PGGT1B: variants seen among roughly 807,000 people sequenced by gnomAD.
PGGT1B encodes the protein protein geranylgeranyltransferase type I subunit beta.
Under a neutral mutation model 46.1 loss-of-function variants are expected in PGGT1B, and 30 were observed. That is an observed-to-expected ratio of 0.65 (90% CI 0.49 to 0.88). The LOEUF is 0.88. Among genes scored for constraint, PGGT1B ranks in the 40% least tolerant of loss-of-function variants. The probability of loss-of-function intolerance (pLI) is 0.00; values close to 1 mark genes in which losing one functional copy is unlikely to be tolerated. For missense variants in PGGT1B, 376 were observed against 455.9 expected (o/e 0.82, Z 1.60); for synonymous variants, 170 against 160.0 (o/e 1.06, Z -0.47).
chr5:115,209,785 C>T lies in PGGT1B; in HGVS notation c.*2617G>A, dbSNP rs1037168191. ...CCTATAATTTGAAATTTGCTGTATT[C>T]CAGGTACTATCCTAAGTGCTTTATC... is the stretch of plus-strand genomic sequence containing the variant. On this transcript the variant is annotated 3_prime_UTR_variant, in exon 9 of 9. Transcript: ENST00000419445. The T allele has an allele frequency of 6.6e-6, 1 of 152,068 alleles. No individual in the cohort carries two copies. The highest frequency in any genetic ancestry group is 1.5e-5 in the Non-Finnish European group (1 of 67,994). 9.4% of individuals were successfully genotyped at this position (152,068 alleles called of 1,614,324 possible). A position where few individuals can be genotyped will look rare whatever the true frequency, so the allele number is the denominator to read the frequency against.
chr5:115,206,071 A>G lies in PGGT1B; in HGVS notation c.*6331T>C, dbSNP rs1756053232. ...GAAAGGCATTCATAATACATTGTTG[A>G]ATGAAAAAAAACCATGGAATATTTA... is the stretch of plus-strand genomic sequence containing the variant. On this transcript the variant is annotated 3_prime_UTR_variant, in exon 9 of 9. Transcript: ENST00000419445. 2 of 152,008 alleles carry G rather than the reference A, an allele frequency of 1.3e-5. No homozygotes were observed. The highest frequency in any genetic ancestry group is 4.8e-5 in the African/African-American group (2 of 41,436). The allele number at this position is 152,008 out of a possible 1,614,324, so 9.4% of individuals were successfully genotyped here. A position where few individuals can be genotyped will look rare whatever the true frequency, so the allele number is the denominator to read the frequency against.
intron 2 of PGGT1B, among the ~76,000 whole-genome samples, chr5:115,246,866 T>C (rs528228853): frequency 2.0e-5 from 3 of 152,330 alleles, no homozygotes; most frequent in African/African-American, 4.8e-5. Context: ...GTACTTTAGA[T>C]AGCACTATAT....
At position 115,215,276 on chromosome 5, in the gene PGGT1B, G is replaced by A. The variant is rs974767643; in HGVS notation, c.952+1589C>T. On this transcript the variant is annotated intron_variant, in intron 8 of 8. Transcript: ENST00000419445. ...GCCTCCCAAAGCTGGGATTACAGGC[G>A]TGAGCCACTGCACCCGGCCATTTAT... Among the ~76,000 whole-genome samples the A allele has an allele frequency of 1.4e-4, 22 of 151,984 alleles. No individual in the cohort carries two copies. In the South Asian group the frequency reaches 1.9e-3, roughly 13 times the overall value.
chr5:115,233,638 T>C (rs892833632), intron 5 of PGGT1B, among the ~76,000 whole-genome samples: 1 of 150,582 alleles, frequency 6.6e-6, no homozygotes. Context: ...TGGATTTGTA[T>C]GGCCCTCGAG....
At chr5:115,239,061 A>C (rs1177024731) in intron 3 of PGGT1B, among the ~76,000 whole-genome samples, 1 of 151,212 alleles carries the variant, frequency 6.6e-6, no homozygotes. Flanking sequence ...TTTTTTTGAG[A>C]TAGGCTTTGC....
chr5:115,216,535 G>A (rs537504064), intron 8 of PGGT1B, among the ~76,000 whole-genome samples: 5 of 152,272 alleles, frequency 3.3e-5, no homozygotes, highest in South Asian at 2.1e-4. Flanking sequence ...TAATCCTAAC[G>A]GCTTTGGATG....
At chr5:115,223,024 G>A (rs540139850) in intron 6 of PGGT1B, among the ~76,000 whole-genome samples, 1 of 152,050 alleles carries the variant, frequency 6.6e-6, no homozygotes, top group Admixed American at 6.5e-5. Flanking sequence ...TGTAAATGAT[G>A]AGTTAATGGG....
In PGGT1B at chr5:115,205,683, G is replaced by T. The variant is rs1339850797; in HGVS notation, c.*6719C>A. 6.6e-6 allele frequency: 1 copy of T among 151,978 alleles called. No homozygotes were observed. The highest frequency in any genetic ancestry group is 1.5e-5 in the Non-Finnish European group (1 of 67,942). 9.4% of individuals were successfully genotyped at this position (151,978 alleles called of 1,614,324 possible). On this transcript the variant is annotated 3_prime_UTR_variant, in exon 9 of 9. Transcript: ENST00000419445. ...TTTTCTAATGCCACAATTATTACAA[G>T]TAGACAGTTTTACTATCAGAAACCC...
intron 8 of PGGT1B, among the ~76,000 whole-genome samples, chr5:115,213,200 A>G (rs1207820890): frequency 6.6e-6 from 1 of 152,234 alleles, no homozygotes; most frequent in East Asian, 1.9e-4. Context: ...GACAATAAAA[A>G]CAAACTCACA....
At chr5:115,258,183 G>C (rs532067212) in intron 1 of PGGT1B, among the ~76,000 whole-genome samples, 1 of 152,178 alleles carries the variant, frequency 6.6e-6, no homozygotes, top group Non-Finnish European at 1.5e-5. Flanking sequence ...ACCTTAAGGA[G>C]GTTACATGTT....
In PGGT1B at chr5:115,253,145, G is replaced by A; in HGVS notation, c.251C>T (p.Thr84Ile). The change falls in exon 2 of 9, where the codon ACA (threonine) becomes ATA (isoleucine). Residue 84 changes from threonine to isoleucine, a missense_variant. Coordinates refer to ENST00000419445, the MANE Select transcript of PGGT1B (RefSeq NM_005023.4). ...GCTAAAAACTCACTCACTGTCTTCT[G>A]TGGGAAGGACCTGCAGGGAATAAAT... ...EWIYSLQVLP[T>I]EDRSNLNRCG... The A allele has an allele frequency of 6.2e-7, 1 of 1,600,540 alleles. No individual in the cohort carries two copies. The highest frequency in any genetic ancestry group is 2.3e-5 in the East Asian group (1 of 44,224).
intron 6 of PGGT1B, among the ~76,000 whole-genome samples, chr5:115,228,746 T>G (rs1756875875): frequency 6.6e-6 from 1 of 152,096 alleles, no homozygotes; most frequent in African/African-American, 2.4e-5. Context: ...GAACCAGAAC[T>G]AATTCATGAG....
intron 8 of PGGT1B, among the ~76,000 whole-genome samples, chr5:115,214,146 C>T (rs975340042): frequency 6.6e-6 from 1 of 152,054 alleles, no homozygotes; most frequent in African/African-American, 2.4e-5. Flanking sequence ...AAAAGTACAA[C>T]AGAAAATATA....
chr5:115,240,463 G>C (rs1013009483), intron 3 of PGGT1B, among the ~76,000 whole-genome samples: 3 of 152,106 alleles, frequency 2.0e-5, no homozygotes, highest in African/African-American at 7.2e-5. Flanking sequence ...TTCTGGATTA[G>C]CTTAAGGTGG....
intron 6 of PGGT1B, among the ~76,000 whole-genome samples, chr5:115,230,611 T>G (rs1756947043): frequency 6.6e-6 from 1 of 152,160 alleles, no homozygotes. Context: ...CATGAACTTG[T>G]GCATTCATAT....
At chr5:115,246,355 CA>C (rs59252027) in intron 2 of PGGT1B, among the ~76,000 whole-genome samples, 2,546 of 118,352 alleles carry the variant, frequency 0.022, 46 homozygotes, top group African/African-American at 0.06. Flanking sequence ...TACTCCATTT[CA>C]AAAAAAAAAA....
At chr5:115,253,058 C>G in intron 2 of PGGT1B, 79 bp downstream of exon 2, 1 of 1,219,038 alleles carries the variant, frequency 8.2e-7, no homozygotes, top group Non-Finnish European at 1.2e-6. Context: ...TATACAAGTA[C>G]TAAGATTTTC....
intron 6 of PGGT1B, 61 bp from the exon 7 acceptor site, chr5:115,222,069 A>G (rs977606420): frequency 2.0e-6 from 2 of 994,708 alleles, no homozygotes; most frequent in Admixed American, 5.8e-5. Flanking sequence ...AAAATAGTAC[A>G]AAATGTTCAA....
At chr5:115,237,316 G>A (rs539207119) in intron 4 of PGGT1B, among the ~76,000 whole-genome samples, 8 of 152,154 alleles carry the variant, frequency 5.3e-5, no homozygotes, top group African/African-American at 9.6e-5. Context: ...CTGCTTTATC[G>A]CTTCTCAGAC....
Sources: allele counts gnomAD v4.1 joint callset (sites outside exome capture counted in the v4.1 genomes callset), GRCh38; gene constraint gnomAD v4.1.1; transcripts MANE v1.5; gene names NCBI Gene and HGNC (gene_info 2026-07-23, HGNC 2026-07-21).